The following CDK14 variants were observed in gnomAD, a reference collection of about 807,000 sequenced individuals.
The protein encoded by CDK14 is cyclin-dependent kinase 14.
A neutral mutation model predicts 60.7 loss-of-function variants in CDK14; 34 were observed. The ratio of observed to expected loss-of-function variants is 0.56; its 90% CI spans 0.43 to 0.75. CDK14 has a LOEUF of 0.75. Among genes scored for constraint, CDK14 ranks in the 30% least tolerant of loss-of-function variants. The pLI is 0.00. For synonymous variants in CDK14, 197 were observed against 203.7 expected (o/e 0.97, Z 0.28); for missense variants, 482 against 564.1 (o/e 0.85, Z 1.47).
chr7:90,803,716 C>T (rs1367569518), intron 5 of CDK14, among the ~76,000 whole-genome samples: 2 of 152,100 alleles, frequency 1.3e-5, no homozygotes, highest in Non-Finnish European at 1.5e-5. Flanking sequence ...AAATTGAGAA[C>T]TTTACAAGTC....
At position 90,807,264 on chromosome 7, in the gene CDK14, C is replaced by G. The variant is rs191736232; in HGVS notation, c.544+16612C>G. On this transcript the variant is annotated intron_variant, in intron 5 of 14. Coordinates refer to ENST00000380050, the MANE Select transcript of CDK14 (RefSeq NM_001287135.2). ...CACATGGCCAGTTACTCCTCTGAGA[C>G]AAAACTTGCAGAGGAATGATCAGGC... Among the ~76,000 whole-genome samples the G allele has an allele frequency of 5.8e-4, 88 of 152,302 alleles. 1 individual carries two copies. Among genetic ancestry groups the G allele is most frequent in the Middle Eastern group, 3.4e-3 (1 of 294 alleles).
intron 13 of CDK14, among the ~76,000 whole-genome samples, chr7:91,117,145 G>A (rs182781160): frequency 1.2e-4 from 18 of 148,022 alleles, no homozygotes; most frequent in East Asian, 6.0e-4. Flanking sequence ...TCAAACTTGC[G>A]CCTTCTCTAG....
chr7:90,741,052 C>T (rs980204695), intron 3 of CDK14, among the ~76,000 whole-genome samples: 3 of 152,078 alleles, frequency 2.0e-5, no homozygotes, highest in South Asian at 2.1e-4. Context: ...AATTAGTAAT[C>T]GTGGAGCTTG....
intron 13 of CDK14, 65 bp downstream of exon 13, chr7:91,112,746 T>C: frequency 6.5e-7 from 1 of 1,540,952 alleles, no homozygotes; most frequent in South Asian, 1.1e-5. Flanking sequence ...GGCATCTGTA[T>C]GTAACGTGTA....
intron 3 of CDK14, among the ~76,000 whole-genome samples, chr7:90,741,886 C>T (rs1209255444): frequency 6.6e-6 from 1 of 151,884 alleles, no homozygotes; most frequent in Non-Finnish European, 1.5e-5. Context: ...ATTTCAGATA[C>T]ACAGTATATT....
At position 90,755,660 on chromosome 7, in the gene CDK14, G is replaced by A. The variant is rs908233358; in HGVS notation, c.464+7885G>A. Among the ~76,000 whole-genome samples the A allele has an allele frequency of 5.3e-5, 8 of 152,242 alleles. No individual in the cohort carries two copies. In the South Asian group the frequency reaches 1.7e-3, roughly 32 times the overall value. On this transcript the variant is annotated intron_variant, in intron 4 of 14. Transcript: ENST00000380050. ...AGTATTTTTTTAAGAAAATTTGAATGAATAGTCAGCATGATAAGGGATAAA... is the reference window on the plus strand; with the variant it reads ...AGTATTTTTTTAAGAAAATTTGAATAAATAGTCAGCATGATAAGGGATAAA...
At chr7:90,607,279 CA>C (rs1391518917) in intron 2 of CDK14, among the ~76,000 whole-genome samples, 1 of 152,172 alleles carries the variant, frequency 6.6e-6, no homozygotes, top group Non-Finnish European at 1.5e-5. Flanking sequence ...CCATTGGAAT[CA>C]ATTCAGATTT....
In CDK14 at chr7:91,138,505, A is replaced by G. The variant is rs555220921; in HGVS notation, c.*28+20297A>G. ...ATCCTGTGGTTGCCACTGTATTGACATAGTGCATTGACAGTCTCAAGGGTG... is the reference window on the plus strand; with the variant it reads ...ATCCTGTGGTTGCCACTGTATTGACGTAGTGCATTGACAGTCTCAAGGGTG... On this transcript the variant is annotated intron_variant, in intron 14 of 14. Coordinates refer to ENST00000380050, the MANE Select transcript of CDK14 (RefSeq NM_001287135.2). Among the ~76,000 whole-genome samples, 8 of 152,296 alleles carry G rather than the reference A, an allele frequency of 5.3e-5. No individual in the cohort carries two copies. The East Asian group carries it at 1.5e-3, about 29-fold the overall frequency.
At chr7:90,857,115 G>GA (rs5885747) in intron 5 of CDK14, among the ~76,000 whole-genome samples, 44,545 of 146,864 alleles carry the variant, frequency 0.3, 7,490 homozygotes, top group Middle Eastern at 0.47. Flanking sequence ...AATGGTTTTG[G>GA]AAAAAAAAAA....
intron 4 of CDK14, among the ~76,000 whole-genome samples, chr7:90,758,744 C>G (rs1804188204): frequency 6.6e-6 from 1 of 152,082 alleles, no homozygotes; most frequent in African/African-American, 2.4e-5. Context: ...ATACTATATT[C>G]TATATAAGCT....
chr7:91,167,710 C>T (rs896056348), intron 14 of CDK14, among the ~76,000 whole-genome samples: 2 of 152,142 alleles, frequency 1.3e-5, no homozygotes, highest in African/African-American at 4.8e-5. Flanking sequence ...CAAAGAGAGG[C>T]CGTACAGCCG....
At chr7:91,154,706 A>G (rs1482976538) in intron 14 of CDK14, among the ~76,000 whole-genome samples, 1 of 152,144 alleles carries the variant, frequency 6.6e-6, no homozygotes, top group Non-Finnish European at 1.5e-5. Context: ...ATTCATTTGA[A>G]GCAATTAGAG....
intron 14 of CDK14, among the ~76,000 whole-genome samples, chr7:91,166,687 G>A (rs1323569936): frequency 6.6e-6 from 1 of 152,182 alleles, no homozygotes; most frequent in African/African-American, 2.4e-5. Context: ...CCCTGAGTAT[G>A]TGTGAATGTG....
At chr7:91,165,877 A>G (rs1584152640) in intron 14 of CDK14, among the ~76,000 whole-genome samples, 3 of 152,188 alleles carry the variant, frequency 2.0e-5, no homozygotes, top group African/African-American at 7.2e-5. Flanking sequence ...TTTTTATCTC[A>G]CCTAAGTATT....
At chr7:90,808,582 C>A (rs1788957094) in intron 5 of CDK14, among the ~76,000 whole-genome samples, 2 of 152,176 alleles carry the variant, frequency 1.3e-5, no homozygotes, top group Admixed American at 6.5e-5. Context: ...AACCAGCTAA[C>A]ATCATAATGA....
chr7:91,019,138 A>T (rs976878876), intron 10 of CDK14, among the ~76,000 whole-genome samples: 3 of 152,214 alleles, frequency 2.0e-5, no homozygotes, highest in Non-Finnish European at 2.9e-5. Flanking sequence ...AGCCTGGCAT[A>T]TAGTAAACTC....
chr7:90,856,659 C>T (rs1790829226), intron 5 of CDK14, among the ~76,000 whole-genome samples: 1 of 152,086 alleles, frequency 6.6e-6, no homozygotes, highest in Non-Finnish European at 1.5e-5. Flanking sequence ...TTTTTAAGTC[C>T]CCTCTTTATA....
chr7:91,142,203 C>T lies in CDK14; in HGVS notation c.*28+23995C>T, dbSNP rs147959935. Among the ~76,000 whole-genome samples, 287 of 152,240 alleles carry T rather than the reference C, an allele frequency of 1.9e-3. 1 individual carries two copies. Among genetic ancestry groups the T allele is most frequent in the African/African-American group, 5.4e-3 (226 of 41,544 alleles). On this transcript the variant is annotated intron_variant, in intron 14 of 14. Coordinates refer to ENST00000380050, the MANE Select transcript of CDK14 (RefSeq NM_001287135.2). ...TTTACATGAAAATAATTTTTTTCTG[C>T]ATCTCATTTTTTTATTGTTGTTGTT... is the stretch of plus-strand genomic sequence containing the variant.
At position 90,637,566 on chromosome 7, in the gene CDK14, A is replaced by G. The variant is rs1192970325; in HGVS notation, c.123+33317A>G. Among the ~76,000 whole-genome samples the G allele has an allele frequency of 2.0e-5, 3 of 151,878 alleles. No individual in the cohort carries two copies. In the South Asian group the frequency reaches 6.3e-4, roughly 32 times the overall value. On this transcript the variant is annotated intron_variant, in intron 2 of 14. Coordinates refer to ENST00000380050, the MANE Select transcript of CDK14 (RefSeq NM_001287135.2). ...TGCTTTACTTCCAAGTATGTGGTCA[A>G]TTTTGGAATAGGTGTGGTGTGGTGC...
Sources: allele counts gnomAD v4.1 joint callset (sites outside exome capture counted in the v4.1 genomes callset), GRCh38; gene constraint gnomAD v4.1.1; transcripts MANE v1.5; gene names NCBI Gene and HGNC (gene_info 2026-07-23, HGNC 2026-07-21).